SORCS3: variants seen among roughly 807,000 people sequenced by gnomAD.
SORCS3 encodes the protein VPS10 domain-containing receptor SorCS3.
In SORCS3, 57 loss-of-function variants were observed where a neutral mutation model predicts 146.3. That is an observed-to-expected ratio of 0.39 (90% CI 0.31 to 0.49). SORCS3 has a LOEUF of 0.49. Among genes scored for constraint, SORCS3 ranks in the 20% least tolerant of loss-of-function variants. The probability of loss-of-function intolerance (pLI) is 0.92; values close to 1 mark genes in which losing one functional copy is unlikely to be tolerated. For synonymous variants in SORCS3, 653 were observed against 618.5 expected, an observed-to-expected ratio of 1.06 and a Z score of -0.83; for missense variants, 1,341 against 1,575.5, an observed-to-expected ratio of 0.85 and a Z score of 2.52.
chr10:105,064,846 C>T (rs935479214), intron 5 of SORCS3, among the ~76,000 whole-genome samples: 2 of 152,198 alleles, frequency 1.3e-5, no homozygotes, highest in African/African-American at 2.4e-5. Context: ...ACCCAGTCCA[C>T]TGGCTCACAC....
At chr10:104,980,144 A>G (rs2054924127) in intron 4 of SORCS3, among the ~76,000 whole-genome samples, 1 of 152,234 alleles carries the variant, frequency 6.6e-6, no homozygotes, top group African/African-American at 2.4e-5. Flanking sequence ...TCACTTGCTA[A>G]AAATATTTGA....
At chr10:105,237,954 A>T (rs967801796) in intron 20 of SORCS3, among the ~76,000 whole-genome samples, 1 of 152,188 alleles carries the variant, frequency 6.6e-6, no homozygotes, top group Non-Finnish European at 1.5e-5. Context: ...ATAAGAGTGA[A>T]TTGGCATCCT....
chr10:104,872,339 G>C (rs2018527065), intron 2 of SORCS3, among the ~76,000 whole-genome samples: 1 of 152,152 alleles, frequency 6.6e-6, no homozygotes, highest in Non-Finnish European at 1.5e-5. Context: ...AGGAAAATGA[G>C]GGGTTTGTGT....
intron 2 of SORCS3, among the ~76,000 whole-genome samples, chr10:104,855,209 C>T (rs1462105582): frequency 6.6e-6 from 1 of 152,120 alleles, no homozygotes. Flanking sequence ...CTGCCAGTAC[C>T]ATCCTCTTCA....
chr10:104,684,103 GTGGCTCAGGGA>G (rs1242988663), intron 1 of SORCS3, among the ~76,000 whole-genome samples: 1 of 152,182 alleles, frequency 6.6e-6, no homozygotes, highest in Admixed American at 6.5e-5. Flanking sequence ...TAATTCTGCT[GTGGCTCAGGGA>G]TGGCTCTGGC....
intron 3 of SORCS3, among the ~76,000 whole-genome samples, chr10:104,964,730 A>C (rs2054816683): frequency 6.6e-6 from 1 of 152,156 alleles, no homozygotes; most frequent in Non-Finnish European, 1.5e-5. Context: ...GGGATATACA[A>C]ATAATATGCA....
At chr10:105,179,992 A>G (rs576764109) in intron 14 of SORCS3, among the ~76,000 whole-genome samples, 1 of 152,174 alleles carries the variant, frequency 6.6e-6, no homozygotes, top group African/African-American at 2.4e-5. Context: ...GGGAGAAAAA[A>G]CAGCCACTCT....
intron 4 of SORCS3, among the ~76,000 whole-genome samples, chr10:105,000,585 T>G (rs867858976): frequency 1.3e-5 from 2 of 152,168 alleles, no homozygotes; most frequent in Middle Eastern, 3.2e-3. Context: ...CCGGCATCTA[T>G]TGTGCAGATT....
At chr10:104,984,867 T>A (rs2054953140) in intron 4 of SORCS3, among the ~76,000 whole-genome samples, 1 of 152,144 alleles carries the variant, frequency 6.6e-6, no homozygotes, top group Non-Finnish European at 1.5e-5. Context: ...GTCTAAAAAA[T>A]GTACATATCT....
At chr10:105,010,717 TTTC>T (rs1180237016) in intron 4 of SORCS3, among the ~76,000 whole-genome samples, 1 of 125,658 alleles carries the variant, frequency 8.0e-6, no homozygotes, top group Non-Finnish European at 1.7e-5. Context: ...GGAAGCATAG[TTTC>T]TTTTTTTTTT....
chr10:104,969,776 A>G (rs2054848516), intron 3 of SORCS3, among the ~76,000 whole-genome samples: 1 of 152,130 alleles, frequency 6.6e-6, no homozygotes, highest in Non-Finnish European at 1.5e-5. Context: ...TGTATATGTT[A>G]GTGTATGTGT....
At chr10:104,751,959 A>ATATATATATATATATATG (rs2016992171) in intron 1 of SORCS3, among the ~76,000 whole-genome samples, 1 of 112,032 alleles carries the variant, frequency 8.9e-6, no homozygotes, top group African/African-American at 3.7e-5. Context: ...ATATATATAT[A>ATATATATATATATATATG]TATATATATA....
At position 104,842,864 on chromosome 10, in the gene SORCS3, G is replaced by A. The variant is rs1589520601; in HGVS notation, c.695+5G>A. On this transcript the variant is annotated splice_donor_5th_base_variant and intron_variant, in intron 2 of 26. Transcript: ENST00000369701. Reference sequence around the variant, plus strand: ...GACTGAGAGTTCACTATGGAGGTAAGCAGATTAGAGATTCTTAAGGAGCCA... The same window carrying A: ...GACTGAGAGTTCACTATGGAGGTAAACAGATTAGAGATTCTTAAGGAGCCA... 1 of 1,612,816 alleles carries A rather than the reference G, an allele frequency of 6.2e-7. No homozygotes were observed. Among genetic ancestry groups the A allele is most frequent in the Admixed American group, 1.7e-5 (1 of 60,018 alleles).
rs146744291 is a variant in SORCS3, at chr10:105,128,697, G to A, written c.1213-10700G>A. Among the ~76,000 whole-genome samples the A allele has an allele frequency of 1.9e-4, 29 of 152,092 alleles. 1 individual carries two copies. Among genetic ancestry groups the A allele is most frequent in the Admixed American group, 9.8e-4 (15 of 15,282 alleles). On this transcript the variant is annotated intron_variant, in intron 7 of 26. Transcript: ENST00000369701. Reference sequence around the variant, plus strand: ...TTCTGTGCATAGTTGAAGCTACATCGGCAAATTTCAGTGCCCCACGCAATC... The same window carrying A: ...TTCTGTGCATAGTTGAAGCTACATCAGCAAATTTCAGTGCCCCACGCAATC...
chr10:105,196,534 G>A (rs749998888), intron 14 of SORCS3, among the ~76,000 whole-genome samples: 2 of 152,224 alleles, frequency 1.3e-5, no homozygotes, highest in Admixed American at 1.3e-4. Context: ...GGACCAGGGA[G>A]GTGGAGGTTA....
intron 1 of SORCS3, among the ~76,000 whole-genome samples, chr10:104,696,991 G>A (rs1029851648): frequency 7.3e-5 from 11 of 151,038 alleles, no homozygotes; most frequent in Non-Finnish European, 1.6e-4. Flanking sequence ...GCGATACGTT[G>A]TACAATGGAT....
chr10:104,806,935 A>C (rs2133514639), intron 1 of SORCS3, among the ~76,000 whole-genome samples: 1 of 152,238 alleles, frequency 6.6e-6, no homozygotes, highest in East Asian at 1.9e-4. Flanking sequence ...TGAGCTGTTG[A>C]GATCTCCCTT....
chr10:105,177,737 G>T (rs1037985528), intron 13 of SORCS3, among the ~76,000 whole-genome samples: 1 of 152,222 alleles, frequency 6.6e-6, no homozygotes, highest in Non-Finnish European at 1.5e-5. Flanking sequence ...GGGCTGAATG[G>T]ATTGTGCTGT....
chr10:104,686,423 C>T, intron 1 of SORCS3, among the ~76,000 whole-genome samples: 1 of 152,116 alleles, frequency 6.6e-6, no homozygotes, highest in East Asian at 1.9e-4. Context: ...AGCTTCCTGA[C>T]TCACCCCTGC....
Sources: gnomAD v4.1 joint callset for allele counts (sites outside exome capture counted in the v4.1 genomes callset) on GRCh38, gnomAD v4.1.1 for gene constraint, MANE v1.5 for transcripts, NCBI Gene and HGNC (gene_info 2026-07-23, HGNC 2026-07-21) for gene names.